The following MLLT6 variants were observed in gnomAD, a reference collection of about 807,000 sequenced individuals.
MLLT6 encodes the protein protein AF-17.
In MLLT6, 22 loss-of-function variants were observed where a neutral mutation model predicts 103.0. The observed-to-expected ratio is 0.21, with a 90% confidence interval of 0.15 to 0.31. The LOEUF (loss-of-function observed/expected upper bound fraction) is 0.31, where lower values mean the gene tolerates loss of function less well. MLLT6 is among the 10% of genes least tolerant of loss of function. MLLT6 has a pLI of 1.00. For synonymous variants in MLLT6, 606 were observed against 623.5 expected (o/e 0.97, Z 0.42); for missense variants, 1,199 against 1,441.7 (o/e 0.83, Z 2.73).
rs370611684 is a variant in MLLT6, at chr17:38,726,371, A to ATGTGTGTGTGTG, written c.*793_*804dup. 7 of 224,640 alleles carry ATGTGTGTGTGTG rather than the reference A, an allele frequency of 3.1e-5. No homozygotes were observed. Among genetic ancestry groups the ATGTGTGTGTGTG allele is most frequent in the Middle Eastern group, 1.3e-3 (1 of 766 alleles). The allele number at this position is 224,640 out of a possible 1,614,324, so 13.9% of individuals were successfully genotyped here. Reference sequence around the variant, plus strand: ...AGTGTGTGAGTGTGTGTGTGCGTGCATGTGTGTGTGTGTGTGTGTGTGTGT... The same window carrying ATGTGTGTGTGTG: ...AGTGTGTGAGTGTGTGTGTGCGTGCATGTGTGTGTGTGTGTGTGTGTGTGTGTGTGTGTGTGT... On this transcript the variant is annotated 3_prime_UTR_variant, in exon 20 of 20. Coordinates refer to ENST00000621332, the MANE Select transcript of MLLT6 (RefSeq NM_005937.4).
At position 38,713,147 on chromosome 17, in the gene MLLT6, C is replaced by T. The variant is rs1321461738; in HGVS notation, c.819+358C>T. ...CCCAGAGATCGGTAGAGGACATCCCCTACGCCCCATCAGGAGGACACCCAA... is the reference window on the plus strand; with the variant it reads ...CCCAGAGATCGGTAGAGGACATCCCTTACGCCCCATCAGGAGGACACCCAA... On this transcript the variant is annotated intron_variant, in intron 8 of 19. Coordinates refer to ENST00000621332, the MANE Select transcript of MLLT6 (RefSeq NM_005937.4). 3.3e-5 allele frequency: 22 copies of T among 667,186 alleles called. No homozygotes were observed. In the East Asian group the frequency reaches 5.6e-4, roughly 17 times the overall value. 41.3% of individuals were successfully genotyped at this position (667,186 alleles called of 1,614,324 possible).
intron 11 of MLLT6, 27 bp downstream of exon 11, chr17:38,717,640 T>G: frequency 6.2e-7 from 1 of 1,605,588 alleles, no homozygotes; most frequent in Non-Finnish European, 8.5e-7. Context: ...GGGCTCCTCC[T>G]TCCCTGGGCA....
rs1905328874 is a variant in MLLT6, at chr17:38,716,035, CCCA to C, written c.1036+211_1036+213del. On this transcript the variant is annotated intron_variant, in intron 9 of 19. Transcript: ENST00000621332. The surrounding 1 kb of genome is among the most constrained non-coding windows in gnomAD (Gnocchi z 5.6). ...CTCTCCTCTCCCCTTCAGGGGCCAC[CCCA>C]CCAACCTCATAACAGTATTCCTTAT... The C allele has an allele frequency of 1.6e-6, 1 of 615,630 alleles. No homozygotes were observed. The allele number at this position is 615,630 out of a possible 1,614,324, so 38.1% of individuals were successfully genotyped here.
chr17:38,711,110 G>A (rs1051173033), intron 6 of MLLT6, among the ~76,000 whole-genome samples: 10 of 152,280 alleles, frequency 6.6e-5, no homozygotes, highest in African/African-American at 2.2e-4. Flanking sequence ...GTCAGATAAG[G>A]CCTGAAATTA....
intron 19 of MLLT6, 57 bp from the exon 20 acceptor site, chr17:38,725,500 C>T: frequency 6.6e-7 from 1 of 1,519,358 alleles, no homozygotes; most frequent in Non-Finnish European, 9.1e-7. Flanking sequence ...CTGTTCTTAT[C>T]TGGGGGTTAG....
chr17:38,717,333 G>C (rs1397672815), intron 10 of MLLT6, 99 bp from the exon 11 acceptor site: 2 of 964,218 alleles, frequency 2.1e-6, no homozygotes, highest in East Asian at 4.9e-5. Flanking sequence ...CCAGATCCCG[G>C]GGAGCACTCG....
intron 10 of MLLT6, 106 bp downstream of exon 10, chr17:38,717,087 A>G (rs896578678): frequency 2.0e-5 from 30 of 1,495,528 alleles, no homozygotes; most frequent in Non-Finnish European, 2.7e-5. Flanking sequence ...ACCACTCCAA[A>G]AGATAGAGCA....
chr17:38,716,770 T>A lies in MLLT6; in HGVS notation c.1440T>A (p.Arg480=). Residue 480 remains arginine (R), a synonymous_variant, in exon 10 of 20, where the codon CGT becomes CGA. Coordinates refer to ENST00000621332, the MANE Select transcript of MLLT6 (RefSeq NM_005937.4). The surrounding 1 kb of genome is among the most constrained non-coding windows in gnomAD (Gnocchi z 5.6). ...AGAGGAGCCGCCATGGGCCAGGCCG[T>A]CCCAAGGGCAGCCGGAACAAGGAGG... ...ASKRSRHGPG[R]PKGSRNKEGT... 1.2e-6 allele frequency: 2 copies of A among 1,610,016 alleles called. No individual in the cohort carries two copies. Among genetic ancestry groups the A allele is most frequent in the Non-Finnish European group, 1.7e-6 (2 of 1,178,316 alleles).
chr17:38,719,761 G>C lies in MLLT6; in HGVS notation c.2021G>C (p.Ser674Thr). 6.2e-7 allele frequency: 1 copy of C among 1,609,786 alleles called. No individual in the cohort carries two copies. Among genetic ancestry groups the C allele is most frequent in the Non-Finnish European group, 8.5e-7 (1 of 1,177,362 alleles). ...QESLSSMSPI[S>T]SLPALFDQTA... ...CCCTCTGGCCGCAGGTCCCCCATCA[G>C]CAGCCTCCCCGCACTCTTCGACCAG... The change falls in exon 14 of 20, where the codon AGC becomes ACC. Residue 674 changes from serine (S) to threonine (T), a missense_variant. Ser to Thr is a moderately conservative substitution (Grantham distance 58). This residue lies in a region of MLLT6 where 1,034 missense variants were observed against 1,091.5 expected (regional missense o/e 0.95). Transcript: ENST00000621332.
Position 38,712,702 on chromosome 17 carries a change from C to T in MLLT6, c.732C>T (p.Asp244=). 6.2e-7 allele frequency: 1 copy of T among 1,613,422 alleles called. No individual in the cohort carries two copies. Reference sequence around the variant, plus strand: ...CTCTCCCTCTCCAGAGTCGAAAGGACAAAGAACGCCTTAAGCAGAAGCACA... The same window carrying T: ...CTCTCCCTCTCCAGAGTCGAAAGGATAAAGAACGCCTTAAGCAGAAGCACA... ...HERGQKKSRK[D]KERLKQKHKK... Residue 244 remains aspartate, a synonymous_variant, in exon 8 of 20, where the codon GAC becomes GAT. Coordinates refer to ENST00000621332, the MANE Select transcript of MLLT6 (RefSeq NM_005937.4).
In MLLT6 at chr17:38,716,079, T is replaced by C. The variant is rs1357051130; in HGVS notation, c.1036+251T>C. 24 of 601,546 alleles carry C rather than the reference T, an allele frequency of 4.0e-5. No homozygotes were observed. The Admixed American group carries it at 7.5e-4, about 19-fold the overall frequency. 37.3% of individuals were successfully genotyped at this position (601,546 alleles called of 1,614,324 possible). A position where few individuals can be genotyped will look rare whatever the true frequency, so the allele number is the denominator to read the frequency against. ...TATTCCTTATCCCCTACATTTGTGC[T>C]GCAAGGTACAATTTTTCAAGAACCC... is the stretch of plus-strand genomic sequence containing the variant. On this transcript the variant is annotated intron_variant, in intron 9 of 19. Coordinates refer to ENST00000621332, the MANE Select transcript of MLLT6 (RefSeq NM_005937.4). The surrounding 1 kb of genome is among the most constrained non-coding windows in gnomAD (Gnocchi z 5.6).
At position 38,721,946 on chromosome 17, in the gene MLLT6, G is replaced by A; in HGVS notation, c.2511G>A (p.Leu837=). ...CCTTCCACAGCACGCCCCCACCGCT[G>A]CCCCTCCTCCAGCAGAGCCCTGCCA... is the stretch of plus-strand genomic sequence containing the variant. ...SLSFHSTPPP[L]PLLQQSPATL... The change falls in exon 17 of 20, where the codon CTG becomes CTA. Residue 837 remains leucine (L), a synonymous_variant. Transcript: ENST00000621332. 6.5e-7 allele frequency: 1 copy of A among 1,531,650 alleles called. No homozygotes were observed. Among genetic ancestry groups the A allele is most frequent in the Non-Finnish European group, 8.7e-7 (1 of 1,145,520 alleles). 94.9% of individuals were successfully genotyped at this position (1,531,650 alleles called of 1,614,324 possible).
intron 7 of MLLT6, among the ~76,000 whole-genome samples, 172 bp from the exon 8 acceptor site, chr17:38,712,519 G>A (rs76111008): frequency 0.028 from 4,318 of 152,226 alleles, 94 homozygotes; most frequent in Non-Finnish European, 0.042. Flanking sequence ...GCTCTCATAG[G>A]AACTTGCCTG....
At chr17:38,722,648 T>TGCC in intron 17 of MLLT6, 30 bp from the exon 18 acceptor site, 91 of 441,524 alleles carry the variant, frequency 2.1e-4, no homozygotes, top group Middle Eastern at 7.0e-4. Context: ...CTGTGTGTTG[T>TGCC]CCCCCCCCCA....
rs1905298076 is a variant in MLLT6, at chr17:38,715,536, C to T, written c.820-76C>T. The T allele has an allele frequency of 9.3e-6, 14 of 1,498,870 alleles. No individual in the cohort carries two copies. The South Asian group carries it at 1.9e-4, about 20-fold the overall frequency. 92.8% of individuals were successfully genotyped at this position (1,498,870 alleles called of 1,614,324 possible). The stretch of plus-strand genomic sequence containing the variant: ...CCAGTTGAGCTAGGTCCTGTGCCCT[C>T]CTGCTTCACTCCCACATCAGGATCA... On this transcript the variant is annotated intron_variant, in intron 8 of 19. Coordinates refer to ENST00000621332, the MANE Select transcript of MLLT6 (RefSeq NM_005937.4).
At chr17:38,708,436 C>T (rs1905023540) in intron 4 of MLLT6, among the ~76,000 whole-genome samples, 1 of 152,086 alleles carries the variant, frequency 6.6e-6, no homozygotes, top group African/African-American at 2.4e-5. Flanking sequence ...AGGGTAAGGG[C>T]CCCCAGGTTC....
rs879210230 is a variant in MLLT6 at position 38,729,778 on chromosome 17, CAA to C, written c.*4196_*4197del. The C allele has an allele frequency of 8.9e-3, 1,045 of 117,270 alleles. No homozygotes were observed. The highest frequency in any genetic ancestry group is 0.026 in the Middle Eastern group (8 of 308). The allele number at this position is 117,270 out of a possible 1,614,324, so 7.3% of individuals were successfully genotyped here. A position where few individuals can be genotyped will look rare whatever the true frequency, so the allele number is the denominator to read the frequency against. On this transcript the variant is annotated 3_prime_UTR_variant, in exon 20 of 20. Transcript: ENST00000621332. ...GTTCTTTTAATAAAAGAATGTTTTG[CAA>C]AAAAAAAAAAAAAAATCCGAAGAGC...
chr17:38,721,508 T>C (rs1431993089), intron 16 of MLLT6, among the ~76,000 whole-genome samples: 3 of 152,214 alleles, frequency 2.0e-5, no homozygotes, highest in African/African-American at 7.2e-5. Flanking sequence ...TTAGCTGTAG[T>C]GCTTTTGCCT....
At chr17:38,719,430 G>A in intron 12 of MLLT6, 87 bp from the exon 13 acceptor site, 5 of 1,159,780 alleles carry the variant, frequency 4.3e-6, no homozygotes, top group Non-Finnish European at 6.3e-6. Context: ...TCTGCGGTGA[G>A]GTCCCAATCC....
Sources: allele counts gnomAD v4.1 joint callset (sites outside exome capture counted in the v4.1 genomes callset), GRCh38; gene constraint gnomAD v4.1.1; regional missense constraint gnomAD v4.1.1; non-coding constraint Gnocchi (gnomAD v3.1); transcripts MANE v1.5; gene names NCBI Gene and HGNC (gene_info 2026-07-23, HGNC 2026-07-21).